Variants in CNKSR2 observed in about 807,000 individuals in gnomAD.
The protein encoded by CNKSR2 is connector enhancer of kinase suppressor of Ras 2, also known as CNK homolog protein 2.
In CNKSR2, 14 loss-of-function variants were observed where a neutral mutation model predicts 84.4. The ratio of observed to expected loss-of-function variants is 0.17; its 90% CI spans 0.11 to 0.26. The LOEUF (loss-of-function observed/expected upper bound fraction) is 0.26. Ranked by LOEUF, CNKSR2 falls within the 10% of genes least tolerant of loss-of-function variation. The pLI, the probability that CNKSR2 is intolerant of heterozygous loss-of-function variation, is 1.00. For missense variants in CNKSR2, 485 were observed against 771.2 expected (o/e 0.63, Z 4.40); for synonymous variants, 275 against 277.9 (o/e 0.99, Z 0.10).
At chrX:21,404,866 G>C (rs2090242708) in intron 1 of CNKSR2, among the ~76,000 whole-genome samples, 1 of 108,027 alleles carries the variant, frequency 9.3e-6, no homozygotes, top group African/African-American at 3.4e-5. Flanking sequence ...TGGAGAGCCA[G>C]GCGTTCTAAC....
At position 21,457,759 on chromosome X, in the gene CNKSR2, CTT is replaced by C. The variant is rs1292456458; in HGVS notation, c.520-13006_520-13005del. On this transcript the variant is annotated intron_variant, in intron 4 of 21. Transcript: ENST00000379510. ...AGGGCCTTGTTCACTTGGAAGGAAA[CTT>C]AGGAGTCATCTTAATTCAGCTGCTT... 2.7e-5 allele frequency among the ~76,000 whole-genome samples: 3 copies of C among 111,524 alleles called. No homozygotes were observed. The East Asian group carries it at 8.4e-4, about 31-fold the overall frequency.
At chrX:21,614,922 T>C (rs1453359884) in intron 20 of CNKSR2, among the ~76,000 whole-genome samples, 1 of 111,810 alleles carries the variant, frequency 8.9e-6, no homozygotes, top group African/African-American at 3.2e-5. Flanking sequence ...GCCCTATCTT[T>C]AGTCCTTTCT....
At position 21,451,609 on chromosome X, in the gene CNKSR2, A is replaced by C. The variant is rs958147416; in HGVS notation, c.519+10828A>C. ...AAACTATCGCAAGGACAAAAAACCA[A>C]ACACCGCATGTTCTCACTCATAGGT... On this transcript the variant is annotated intron_variant, in intron 4 of 21. Transcript: ENST00000379510. Among the ~76,000 whole-genome samples, 3 of 102,871 alleles carry C rather than the reference A, an allele frequency of 2.9e-5. No individual in the cohort carries two copies. In the South Asian group the frequency reaches 1.5e-3, roughly 51 times the overall value. The allele number at this position is 102,871 out of a possible 115,157, so 89.3% of individuals were successfully genotyped here.
rs960116157 is a variant in CNKSR2 at position 21,392,121 on chromosome X, A to G, written c.64+17160A>G. 5.4e-5 allele frequency among the ~76,000 whole-genome samples: 6 copies of G among 111,149 alleles called. No individual in the cohort carries two copies. The East Asian group carries it at 1.7e-3, about 31-fold the overall frequency. On this transcript the variant is annotated intron_variant, in intron 1 of 21. Coordinates refer to ENST00000379510, the MANE Select transcript of CNKSR2 (RefSeq NM_014927.5). ...CCTGGACTTGACTGTCCATATCACT[A>G]TCAGCATTTTGGTTACAATCATTCA...
intron 5 of CNKSR2, among the ~76,000 whole-genome samples, chrX:21,478,699 C>T (rs2091284480): frequency 9.0e-6 from 1 of 111,000 alleles, no homozygotes; most frequent in African/African-American, 3.3e-5. Flanking sequence ...TGTCCTGACC[C>T]CATTCTGGCA....
chrX:21,449,519 C>T (rs770094947), intron 4 of CNKSR2, among the ~76,000 whole-genome samples: 10 of 110,638 alleles, frequency 9.0e-5, no homozygotes, highest in Non-Finnish European at 1.9e-4. Flanking sequence ...TCTTCATATG[C>T]ACATCTGTCT....
At chrX:21,641,849 A>G in intron 20 of CNKSR2, 1 of 915,791 alleles carries the variant, frequency 1.1e-6, no homozygotes, top group East Asian at 5.1e-5. Context: ...TGGGACTAGC[A>G]TAAGATCAAA....
chrX:21,514,336 T>G (rs1248517051), intron 8 of CNKSR2, among the ~76,000 whole-genome samples: 1 of 111,952 alleles, frequency 8.9e-6, no homozygotes, highest in Non-Finnish European at 1.9e-5. Context: ...TAAAACATTG[T>G]TAATGTCATG....
chrX:21,455,517 G>A, intron 4 of CNKSR2, among the ~76,000 whole-genome samples: 1 of 111,894 alleles, frequency 8.9e-6, no homozygotes, highest in Non-Finnish European at 1.9e-5. Context: ...ATTCTGTAAT[G>A]AAGATTACCT....
chrX:21,418,893 A>G (rs370889521), intron 1 of CNKSR2, among the ~76,000 whole-genome samples: 1 of 109,616 alleles, frequency 9.1e-6, no homozygotes, highest in East Asian at 2.9e-4. Context: ...TTTGGGTTAA[A>G]TCTGCTTGCT....
chrX:21,591,000 A>T (rs753750914), intron 14 of CNKSR2, 22 bp from the exon 15 acceptor site: 1 of 1,169,523 alleles, frequency 8.6e-7, no homozygotes, highest in East Asian at 3.0e-5. Flanking sequence ...GACAAAATTG[A>T]AAGAGCATTT....
intron 13 of CNKSR2, among the ~76,000 whole-genome samples, chrX:21,567,001 C>T (rs558575686): frequency 9.0e-6 from 1 of 110,880 alleles, no homozygotes; most frequent in African/African-American, 3.3e-5. Context: ...CTGTAGCTAC[C>T]CTAGTCATTG....
chrX:21,477,399 C>CT (rs1354272611), intron 5 of CNKSR2, among the ~76,000 whole-genome samples: 2 of 110,809 alleles, frequency 1.8e-5, no homozygotes, highest in African/African-American at 6.6e-5. Context: ...GCTTTCTTCT[C>CT]TTTTTTCTCT....
At position 21,593,350 on chromosome X, in the gene CNKSR2, A is replaced by AT. The variant is rs768343220; in HGVS notation, c.1831-1624_1831-1623insT. On this transcript the variant is annotated intron_variant, in intron 15 of 21. Coordinates refer to ENST00000379510, the MANE Select transcript of CNKSR2 (RefSeq NM_014927.5). ...ATATTCAGTCACTATCAGTAGCATC[A>AT]GATTTTTGTTTTGCGTGGAAGCTTA... 1.1e-3 allele frequency: 122 copies of AT among 112,179 alleles called. 1 individual carries two copies. The highest frequency in any genetic ancestry group is 3.7e-3 in the African/African-American group (114 of 30,957). The allele number at this position is 112,179 out of a possible 1,213,427, so 9.2% of individuals were successfully genotyped here.
chrX:21,378,149 A>G (rs1055187826), intron 1 of CNKSR2, among the ~76,000 whole-genome samples: 2 of 111,789 alleles, frequency 1.8e-5, no homozygotes, highest in Non-Finnish European at 3.8e-5. Context: ...CAGTGAAATA[A>G]GTAGCTATAT....
intron 13 of CNKSR2, among the ~76,000 whole-genome samples, chrX:21,567,101 C>G (rs1162184671): frequency 9.0e-6 from 1 of 111,648 alleles, no homozygotes; most frequent in African/African-American, 3.3e-5. Flanking sequence ...GAATTCCTGC[C>G]TATCTAAACC....
At chrX:21,457,508 T>C (rs149902856) in intron 4 of CNKSR2, among the ~76,000 whole-genome samples, 259 of 112,186 alleles carry the variant, frequency 2.3e-3, no homozygotes, top group African/African-American at 7.6e-3. Flanking sequence ...CATTTCATTA[T>C]TCTTTTGTAG....
intron 4 of CNKSR2, among the ~76,000 whole-genome samples, chrX:21,455,850 C>A (rs747510248): frequency 8.9e-6 from 1 of 112,096 alleles, no homozygotes; most frequent in African/African-American, 3.2e-5. Flanking sequence ...ATCTGGTTCT[C>A]AGCCCTATGC....
rs770574911 is a variant in CNKSR2 at position 21,596,127 on chromosome X, A to G, written c.1976+732A>G. Among the ~76,000 whole-genome samples the G allele has an allele frequency of 5.4e-5, 6 of 111,877 alleles. No individual in the cohort carries two copies. In the East Asian group the frequency reaches 1.1e-3, roughly 21 times the overall value. On this transcript the variant is annotated intron_variant, in intron 17 of 21. Transcript: ENST00000379510. ...AGTTAGGGAGAGGCAGCATAGCATC[A>G]TGGTCAGGAGCATGGACTTTGCAAC...
Sources: gnomAD v4.1 joint callset for allele counts (sites outside exome capture counted in the v4.1 genomes callset) on GRCh38, gnomAD v4.1.1 for gene constraint, MANE v1.5 for transcripts, NCBI Gene and HGNC (gene_info 2026-07-23, HGNC 2026-07-21) for gene names.